PEAK1: variants seen among roughly 807,000 people sequenced by gnomAD.
The protein encoded by PEAK1 is pseudopodium enriched atypical kinase 1, also known as inactive tyrosine-protein kinase PEAK1.
Under a neutral mutation model 124.7 loss-of-function variants are expected in PEAK1, and 54 were observed. That is an observed-to-expected ratio of 0.43 (90% CI 0.35 to 0.54). The LOEUF (loss-of-function observed/expected upper bound fraction) is 0.54. PEAK1 is among the 20% of genes least tolerant of loss of function. The pLI is 0.01. For missense variants in PEAK1, 2,046 were observed against 2,134.5 expected (o/e 0.96, Z 0.82); for synonymous variants, 719 against 760.0 (o/e 0.95, Z 0.89).
chr15:77,250,222 C>CACATATATAT (rs2060807491), intron 6 of PEAK1, among the ~76,000 whole-genome samples: 1 of 103,908 alleles, frequency 9.6e-6, no homozygotes, highest in Non-Finnish European at 2.0e-5. Flanking sequence ...TATATATATA[C>CACATATATAT]ACATATATAT....
chr15:77,114,732 G>A lies in PEAK1; in HGVS notation c.4665C>T (p.Asn1555=). 1 of 1,613,400 alleles carries A rather than the reference G, an allele frequency of 6.2e-7. No homozygotes were observed. The highest frequency in any genetic ancestry group is 8.5e-7 in the Non-Finnish European group (1 of 1,179,924). The change falls in exon 10 of 10, where the codon AAC becomes AAT. Residue 1555 remains asparagine, a synonymous_variant. Coordinates refer to ENST00000682557, the MANE Select transcript of PEAK1 (RefSeq NM_001385026.1). ...SSYPTRLIVS[N]FSQAKQKSHL... ...GGCTCTTCTGCTTGGCCTGAGAGAA[G>A]TTGCTCACTATAAGCCTAGTGGGAT...
chr15:77,268,366 C>T (rs2061850173), intron 5 of PEAK1, among the ~76,000 whole-genome samples: 1 of 151,540 alleles, frequency 6.6e-6, no homozygotes, highest in African/African-American at 2.4e-5. Flanking sequence ...CCCAGCTACG[C>T]AGAAGGCTGA....
Position 77,399,039 on chromosome 15 carries a change from ATTAAC to A in PEAK1, c.-666+20962_-666+20966del, listed in dbSNP as rs1278357392. ...CTACAAATAAATAAAATACCTAGGAATTAACTTAACCAAAGAAGCGAAAGATCCTT... is the reference window on the plus strand; with the variant it reads ...CTACAAATAAATAAAATACCTAGGAATTAACCAAAGAAGCGAAAGATCCTT... On this transcript the variant is annotated intron_variant, in intron 1 of 9. Coordinates refer to ENST00000682557, the MANE Select transcript of PEAK1 (RefSeq NM_001385026.1). Among the ~76,000 whole-genome samples the A allele has an allele frequency of 5.3e-5, 8 of 152,292 alleles. No individual in the cohort carries two copies. In the South Asian group the frequency reaches 1.2e-3, roughly 24 times the overall value.
intron 1 of PEAK1, among the ~76,000 whole-genome samples, chr15:77,379,588 C>T (rs555156436): frequency 2.0e-5 from 3 of 152,218 alleles, no homozygotes; most frequent in African/African-American, 7.2e-5. Context: ...CAGGGGTTTG[C>T]TGCAAATATT....
Position 77,133,012 on chromosome 15 carries a change from G to A in PEAK1, c.4070C>T (p.Ala1357Val), listed in dbSNP as rs1277117011. 2.5e-6 allele frequency: 4 copies of A among 1,605,236 alleles called. No individual in the cohort carries two copies. Among genetic ancestry groups the A allele is most frequent in the Middle Eastern group, 1.7e-4 (1 of 6,034 alleles). Residue 1357 changes from alanine (A) to valine (V), a missense_variant, in exon 9 of 10, where the codon GCA becomes GTA. Ala to Val is a moderately conservative substitution (Grantham distance 64). Transcript: ENST00000682557. The surrounding 1 kb of genome is among the most constrained non-coding windows in gnomAD (Gnocchi z 4.2). ...TTTATAATATTTTCTTACCTTGACT[G>A]CATAGTTATTAAGTGGATCTTTTGC... Reference protein sequence around the residue: ...SYAKDPLNNYAVKICKSKAKE... With the variant: ...SYAKDPLNNYVVKICKSKAKE...
intron 8 of PEAK1, among the ~76,000 whole-genome samples, chr15:77,152,302 T>C (rs1373293117): frequency 6.6e-6 from 1 of 152,090 alleles, no homozygotes; most frequent in Non-Finnish European, 1.5e-5. Context: ...CTGTTATTGG[T>C]GTATAAGAAT....
At chr15:77,356,204 G>A (rs2141498082) in intron 2 of PEAK1, among the ~76,000 whole-genome samples, 1 of 152,278 alleles carries the variant, frequency 6.6e-6, no homozygotes, top group East Asian at 1.9e-4. Flanking sequence ...ATGAGTATAT[G>A]CATTCATCAA....
intron 2 of PEAK1, chr15:77,337,468 T>C (rs978644565): frequency 5.1e-6 from 5 of 982,298 alleles, no homozygotes; most frequent in Non-Finnish European, 6.0e-6. Context: ...TGTAACATCA[T>C]CCAGAGATTA....
intron 8 of PEAK1, among the ~76,000 whole-genome samples, chr15:77,147,845 G>A (rs1338084303): frequency 1.3e-5 from 2 of 152,158 alleles, no homozygotes; most frequent in African/African-American, 4.8e-5. Context: ...CTTTAAAGCA[G>A]AGCTGTTCAA....
rs377408644 is a variant in PEAK1 at position 77,114,154 on chromosome 15, C to T, written c.*2G>A. The T allele has an allele frequency of 6.8e-6, 11 of 1,613,132 alleles. No homozygotes were observed. The African/African-American group carries it at 1.3e-4, about 20-fold the overall frequency. ...GTAGTAAAAGCATCATCCAGGTACA[C>T]ATTAACGGTGCTGCAGAATTTTCAC... On this transcript the variant is annotated 3_prime_UTR_variant, in exon 10 of 10. Transcript: ENST00000682557.
chr15:77,267,557 T>C (rs765683580), intron 5 of PEAK1, among the ~76,000 whole-genome samples: 3 of 152,156 alleles, frequency 2.0e-5, no homozygotes, highest in Non-Finnish European at 4.4e-5. Flanking sequence ...GATACTCCCC[T>C]GTACTAGCCC....
intron 8 of PEAK1, among the ~76,000 whole-genome samples, chr15:77,142,248 G>A (rs1567022074): frequency 6.6e-6 from 1 of 152,196 alleles, no homozygotes. Context: ...TCACTCATGA[G>A]GTAAATGCAA....
Position 77,262,649 on chromosome 15 carries a change from T to C in PEAK1, c.-274-10123A>G, listed in dbSNP as rs1048214235. Among the ~76,000 whole-genome samples, 54 of 114,880 alleles carry C rather than the reference T, an allele frequency of 4.7e-4. No individual in the cohort carries two copies. The Middle Eastern group carries it at 0.014, about 29-fold the overall frequency. The allele number at this position is 114,880 out of a possible 152,430, so 75.4% of individuals were successfully genotyped here. ...CTACAAAGAGACTCCCACACAATAA[T>C]AATGGGACACTTTAACACCCCACAG... On this transcript the variant is annotated intron_variant, in intron 5 of 9. Coordinates refer to ENST00000682557, the MANE Select transcript of PEAK1 (RefSeq NM_001385026.1).
In PEAK1 at chr15:77,266,644, A is replaced by G. The variant is rs151126878; in HGVS notation, c.-274-14118T>C. Among the ~76,000 whole-genome samples the G allele has an allele frequency of 4.3e-3, 656 of 152,342 alleles. 4 individuals are homozygous for G. Among genetic ancestry groups the G allele is most frequent in the African/African-American group, 0.015 (604 of 41,584 alleles). On this transcript the variant is annotated intron_variant, in intron 5 of 9. Transcript: ENST00000682557. The stretch of plus-strand genomic sequence containing the variant: ...TAACTTGAATGAGAAAAGACAATCA[A>G]TGGATACCAACACCAAGATAACAGA...
intron 2 of PEAK1, among the ~76,000 whole-genome samples, chr15:77,318,387 T>C (rs998921242): frequency 3.3e-5 from 5 of 152,148 alleles, no homozygotes; most frequent in Non-Finnish European, 5.9e-5. Context: ...GCAAAAAGGA[T>C]AAATGACACA....
At chr15:77,297,276 CCT>C (rs1304712390) in intron 2 of PEAK1, among the ~76,000 whole-genome samples, 1 of 151,800 alleles carries the variant, frequency 6.6e-6, no homozygotes, top group Non-Finnish European at 1.5e-5. Context: ...GTTTTCACTG[CCT>C]CTGATAGTAA....
chr15:77,239,943 TACTATG>T, intron 6 of PEAK1: 1 of 620,970 alleles, frequency 1.6e-6, no homozygotes, highest in Non-Finnish European at 2.0e-6. Flanking sequence ...TTTTTTAAAA[TACTATG>T]ACAAATAGAT....
At chr15:77,350,786 TTTG>T in intron 2 of PEAK1, 1 of 981,248 alleles carries the variant, frequency 1.0e-6, no homozygotes, top group Non-Finnish European at 1.2e-6. Flanking sequence ...TATAACCTAT[TTTG>T]TTTTTTATTC....
intron 7 of PEAK1, 103 bp downstream of exon 7, chr15:77,178,687 T>G (rs1490449243): frequency 2.6e-6 from 3 of 1,168,516 alleles, no homozygotes; most frequent in Non-Finnish European, 3.6e-6. Context: ...GAGTGCTACT[T>G]ACAAACAGAA....
Sources: allele counts gnomAD v4.1 joint callset (sites outside exome capture counted in the v4.1 genomes callset), GRCh38; gene constraint gnomAD v4.1.1; non-coding constraint Gnocchi (gnomAD v3.1); transcripts MANE v1.5; gene names NCBI Gene and HGNC (gene_info 2026-07-23, HGNC 2026-07-21).